RBFOX1: variants seen among roughly 807,000 people sequenced by gnomAD.
RBFOX1 encodes the protein RNA binding fox-1 homolog 1.
Under a neutral mutation model 57.7 loss-of-function variants are expected in RBFOX1, and 8 were observed. That is an observed-to-expected ratio of 0.14 (90% CI 0.08 to 0.25). The LOEUF (loss-of-function observed/expected upper bound fraction) is 0.25, where lower values mean the gene tolerates loss of function less well. RBFOX1 is among the 10% of genes least tolerant of loss of function. The pLI is 1.00. For synonymous variants in RBFOX1, 326 were observed against 222.4 expected (o/e 1.47, Z -4.15); for missense variants, 611 against 548.5 (o/e 1.11, Z -1.14).
At chr16:7,057,946 T>A (rs1444846970) in intron 4 of RBFOX1, among the ~76,000 whole-genome samples, 2 of 144,584 alleles carry the variant, frequency 1.4e-5, no homozygotes, top group Non-Finnish European at 3.0e-5. Context: ...AGGTGGAGGT[T>A]GCAGTGAGCA....
intron 1 of RBFOX1, among the ~76,000 whole-genome samples, chr16:6,221,277 C>T (rs1157840567): frequency 6.6e-6 from 1 of 152,170 alleles, no homozygotes; most frequent in African/African-American, 2.4e-5. Context: ...TTTATAATTA[C>T]TTTACATTTT....
intron 4 of RBFOX1, among the ~76,000 whole-genome samples, chr16:7,178,355 G>C (rs187627195): frequency 6.6e-6 from 1 of 152,282 alleles, no homozygotes; most frequent in East Asian, 1.9e-4. Context: ...AAATGACTGG[G>C]TCACTAACAA....
chr16:7,311,143 C>T (rs1442856780), intron 4 of RBFOX1, among the ~76,000 whole-genome samples: 5 of 152,180 alleles, frequency 3.3e-5, no homozygotes, highest in African/African-American at 7.2e-5. Flanking sequence ...ATACATTCAA[C>T]GTCTACATCC....
At chr16:7,515,764 C>T (rs2076219664) in intron 4 of RBFOX1, among the ~76,000 whole-genome samples, 2 of 152,196 alleles carry the variant, frequency 1.3e-5, no homozygotes, top group East Asian at 1.9e-4. Context: ...CCTCTCTGTT[C>T]CTCAGTTTCT....
chr16:5,671,460 T>G (rs1292470914), intron 3 of RBFOX1, among the ~76,000 whole-genome samples: 2 of 152,352 alleles, frequency 1.3e-5, no homozygotes, highest in South Asian at 4.1e-4. Context: ...CTTTAATGTC[T>G]GTTTTTAGTG....
Position 6,503,306 on chromosome 16 carries a change from C to A in RBFOX1, c.-63-151297C>A, listed in dbSNP as rs561537659. ...TTTGTTTATCTCTTTTCCACTTCTC[C>A]AGACGAGATGGGATAAAGGAGATTG... On this transcript the variant is annotated intron_variant, in intron 2 of 15. Transcript: ENST00000550418. 3.3e-5 allele frequency among the ~76,000 whole-genome samples: 5 copies of A among 152,186 alleles called. No homozygotes were observed. In the East Asian group the frequency reaches 9.7e-4, roughly 29 times the overall value.
intron 1 of RBFOX1, among the ~76,000 whole-genome samples, chr16:5,300,279 T>G (rs1471643699): frequency 6.6e-6 from 1 of 152,182 alleles, no homozygotes; most frequent in African/African-American, 2.4e-5. Flanking sequence ...GCACATATGC[T>G]GGCCTTAAAA....
chr16:7,536,052 T>C (rs192642310), intron 5 of RBFOX1, among the ~76,000 whole-genome samples: 1 of 152,294 alleles, frequency 6.6e-6, no homozygotes, highest in Admixed American at 6.5e-5. Flanking sequence ...ACTCACACAG[T>C]TGAATGCAGC....
chr16:7,531,851 A>G (rs144129881), intron 5 of RBFOX1, among the ~76,000 whole-genome samples: 13 of 151,992 alleles, frequency 8.6e-5, no homozygotes, highest in African/African-American at 3.1e-4. Flanking sequence ...AGAGCTCTCA[A>G]CTCCCTCAAT....
At chr16:6,647,177 G>C (rs572760391) in intron 2 of RBFOX1, among the ~76,000 whole-genome samples, 21 of 151,872 alleles carry the variant, frequency 1.4e-4, no homozygotes, top group Non-Finnish European at 7.4e-5. Context: ...CGCTACCAGA[G>C]AGAGAGAGAG....
intron 3 of RBFOX1, among the ~76,000 whole-genome samples, chr16:6,798,908 A>C (rs1168743874): frequency 6.6e-6 from 1 of 152,188 alleles, no homozygotes; most frequent in East Asian, 1.9e-4. Flanking sequence ...AGAGAAAAAA[A>C]ATGAATTCTT....
chr16:6,483,260 G>T lies in RBFOX1; in HGVS notation c.-64+166203G>T, dbSNP rs112168255. The T allele has an allele frequency of 1.2e-3, 1,593 of 1,291,178 alleles. 19 individuals are homozygous for T. The African/African-American group carries it at 0.022, about 18-fold the overall frequency. The allele number at this position is 1,291,178 out of a possible 1,614,324, so 80.0% of individuals were successfully genotyped here. On this transcript the variant is annotated intron_variant, in intron 2 of 15. Coordinates refer to ENST00000550418, the MANE Select transcript of RBFOX1 (RefSeq NM_018723.4). ...GCCGCCGTGGCCTCCCTTTGTGCGCGCCCGGGTGTTGATTGCCTCCTTGCA... is the reference window on the plus strand; with the variant it reads ...GCCGCCGTGGCCTCCCTTTGTGCGCTCCCGGGTGTTGATTGCCTCCTTGCA...
chr16:6,784,802 A>G (rs540658433), intron 3 of RBFOX1, among the ~76,000 whole-genome samples: 6 of 151,972 alleles, frequency 3.9e-5, no homozygotes, highest in Admixed American at 1.3e-4. Flanking sequence ...CTATTTAGCC[A>G]TCTTGTTCCA....
intron 3 of RBFOX1, among the ~76,000 whole-genome samples, chr16:7,048,067 A>G (rs1598029060): frequency 6.6e-6 from 1 of 151,626 alleles, no homozygotes; most frequent in Non-Finnish European, 1.5e-5. Flanking sequence ...TTAGTAGAGA[A>G]GGGGTTTCAC....
intron 4 of RBFOX1, among the ~76,000 whole-genome samples, chr16:7,147,357 A>C (rs1392640637): frequency 6.7e-6 from 1 of 148,958 alleles, no homozygotes; most frequent in African/African-American, 2.5e-5. Context: ...GGACATCTGC[A>C]GGTCTGTTAC....
intron 4 of RBFOX1, among the ~76,000 whole-genome samples, chr16:7,161,280 A>C (rs865894368): frequency 3.9e-4 from 59 of 152,204 alleles, no homozygotes; most frequent in African/African-American, 1.4e-3. Context: ...ACCATGAGAT[A>C]GGGGAATGCA....
intron 4 of RBFOX1, among the ~76,000 whole-genome samples, chr16:7,192,723 C>G (rs562434618): frequency 2.0e-3 from 308 of 152,302 alleles, no homozygotes; most frequent in African/African-American, 6.9e-3. Flanking sequence ...TTAGGAGTGA[C>G]TGGGTGAGAG....
chr16:6,144,825 A>C (rs1050373750), intron 1 of RBFOX1, among the ~76,000 whole-genome samples: 1 of 152,304 alleles, frequency 6.6e-6, no homozygotes, highest in East Asian at 1.9e-4. Flanking sequence ...TTGACTTCAC[A>C]TATTTATTGG....
intron 4 of RBFOX1, among the ~76,000 whole-genome samples, chr16:7,510,695 C>A (rs975963566): frequency 6.6e-6 from 1 of 152,178 alleles, no homozygotes; most frequent in Non-Finnish European, 1.5e-5. Context: ...TGCGCGATTT[C>A]TTGCCAGAGA....
Sources: allele counts gnomAD v4.1 joint callset (sites outside exome capture counted in the v4.1 genomes callset), GRCh38; gene constraint gnomAD v4.1.1; transcripts MANE v1.5; gene names NCBI Gene and HGNC (gene_info 2026-07-23, HGNC 2026-07-21).